Variants in MCHR2 observed in about 807,000 individuals in gnomAD.
MCHR2 encodes melanin concentrating hormone receptor 2, also known as melanin-concentrating hormone receptor 2.
In MCHR2, 15 loss-of-function variants were observed where a neutral mutation model predicts 24.8. That is an observed-to-expected ratio of 0.60 (90% CI 0.40 to 0.93). The LOEUF (loss-of-function observed/expected upper bound fraction) is 0.93. Among genes scored for constraint, MCHR2 ranks in the 40% least tolerant of loss-of-function variants. MCHR2 has a pLI of 0.00. For missense variants in MCHR2, 386 were observed against 408.7 expected, an observed-to-expected ratio of 0.94 and a Z score of 0.48; for synonymous variants, 151 against 147.6, an observed-to-expected ratio of 1.02 and a Z score of -0.17.
At chr6:99,985,746 A>G (rs997839044) in intron 1 of MCHR2, among the ~76,000 whole-genome samples, 1 of 152,136 alleles carries the variant, frequency 6.6e-6, no homozygotes, top group African/African-American at 2.4e-5. Context: ...AGGCAAAACT[A>G]TTCTGGACAT....
chr6:99,923,797 A>G (rs1472252329), intron 5 of MCHR2, among the ~76,000 whole-genome samples: 1 of 152,020 alleles, frequency 6.6e-6, no homozygotes, highest in Non-Finnish European at 1.5e-5. Context: ...TGAGATTTCT[A>G]ATATATTATT....
In MCHR2 at chr6:99,921,056, G is replaced by A; in HGVS notation, c.907C>T (p.Pro303Ser). 1.2e-6 allele frequency: 2 copies of A among 1,614,160 alleles called. No individual in the cohort carries two copies. The highest frequency in any genetic ancestry group is 1.7e-6 in the Non-Finnish European group (2 of 1,180,022). Residue 303 changes from proline to serine, a missense_variant, in exon 6 of 6, where the codon CCT (proline) becomes TCT (serine). By Grantham distance (74) the Pro-to-Ser change is moderately conservative (BLOSUM62 -1). Transcript: ENST00000281806. ...CLSYASSSINPFLYILLSGNF... is the reference protein window; with the variant it reads ...CLSYASSSINSFLYILLSGNF... ...CCACTCAGCAGGATGTAGAGAAAAG[G>A]GTTAATGCTGCTGCTGGCATAGCTG...
chr6:99,934,833 A>G (rs1385037374), intron 4 of MCHR2, among the ~76,000 whole-genome samples: 1 of 152,060 alleles, frequency 6.6e-6, no homozygotes, highest in African/African-American at 2.4e-5. Flanking sequence ...CATTTATTAT[A>G]TAGTAGGCAC....
At chr6:99,944,953 C>A (rs1774847545) in intron 3 of MCHR2, among the ~76,000 whole-genome samples, 1 of 152,142 alleles carries the variant, frequency 6.6e-6, no homozygotes, top group Non-Finnish European at 1.5e-5. Context: ...ACCTGCCTGG[C>A]AGGATCTGCC....
chr6:99,943,715 C>T (rs6913266), intron 3 of MCHR2, among the ~76,000 whole-genome samples: 1 of 152,044 alleles, frequency 6.6e-6, no homozygotes, highest in African/African-American at 2.4e-5. Context: ...CAATTCTTGA[C>T]CCTGCAAGTC....
intron 1 of MCHR2, among the ~76,000 whole-genome samples, chr6:99,971,431 A>AG (rs1775417197): frequency 3.3e-5 from 5 of 152,080 alleles, no homozygotes; most frequent in African/African-American, 4.8e-5. Flanking sequence ...ATTTTGCTGA[A>AG]ATTGCTTATC....
chr6:99,930,886 G>A (rs1330852998), intron 5 of MCHR2, among the ~76,000 whole-genome samples: 11 of 152,212 alleles, frequency 7.2e-5, no homozygotes, highest in Non-Finnish European at 8.8e-5. Flanking sequence ...CTGGTGAGGA[G>A]CTGTGTTCCT....
At chr6:99,960,512 C>T (rs995570862) in intron 1 of MCHR2, among the ~76,000 whole-genome samples, 1 of 152,102 alleles carries the variant, frequency 6.6e-6, no homozygotes, top group South Asian at 2.1e-4. Context: ...AAAAAAGAGC[C>T]CCCATAGCCA....
At position 99,955,992 on chromosome 6, in the gene MCHR2, G is replaced by A; in HGVS notation, c.156C>T (p.Asn52=). The part of the protein sequence containing the change: ...GIICSTGLVG[N]ILIVFTIIRS... ...TTATTATAGTGAATACAATGAGGATGTTGCCAACCAGCCCTGTTGAACAGA... is the reference window on the plus strand; with the variant it reads ...TTATTATAGTGAATACAATGAGGATATTGCCAACCAGCCCTGTTGAACAGA... Residue 52 remains asparagine (N), a synonymous_variant, in exon 2 of 6, where the codon AAC becomes AAT. Transcript: ENST00000281806. The A allele has an allele frequency of 6.2e-7, 1 of 1,608,082 alleles. No individual in the cohort carries two copies. Among genetic ancestry groups the A allele is most frequent in the Non-Finnish European group, 8.5e-7 (1 of 1,177,556 alleles).
Position 99,920,835 on chromosome 6 carries a change from G to A in MCHR2, c.*105C>T, listed in dbSNP as rs1774207683. 1 of 1,121,412 alleles carries A rather than the reference G, an allele frequency of 8.9e-7. No homozygotes were observed. The allele number at this position is 1,121,412 out of a possible 1,614,324, so 69.5% of individuals were successfully genotyped here. A position where few individuals can be genotyped will look rare whatever the true frequency, so the allele number is the denominator to read the frequency against. On this transcript the variant is annotated 3_prime_UTR_variant, in exon 6 of 6. Transcript: ENST00000281806. ...TCTTCCATGCTGCTAAGAGTCACAA[G>A]TACACAAGAAGAATGGGCATAAACA...
intron 1 of MCHR2, among the ~76,000 whole-genome samples, chr6:99,982,008 C>T (rs1469752593): frequency 1.3e-5 from 2 of 152,114 alleles, no homozygotes; most frequent in African/African-American, 2.4e-5. Context: ...TTATCCCTCC[C>T]GACAACTTCC....
At chr6:99,959,533 C>A (rs1184076938) in intron 1 of MCHR2, among the ~76,000 whole-genome samples, 1 of 150,892 alleles carries the variant, frequency 6.6e-6, no homozygotes, top group Non-Finnish European at 1.5e-5. Context: ...GAAATTGATA[C>A]TAAAGAAACA....
intron 1 of MCHR2, among the ~76,000 whole-genome samples, chr6:99,985,286 C>G (rs1775749737): frequency 6.6e-6 from 1 of 152,080 alleles, no homozygotes; most frequent in African/African-American, 2.4e-5. Context: ...AAATTCCTAT[C>G]AAATTACCAG....
At chr6:99,985,658 G>T (rs564132344) in intron 1 of MCHR2, among the ~76,000 whole-genome samples, 45 of 152,116 alleles carry the variant, frequency 3.0e-4, no homozygotes, top group African/African-American at 1.1e-3. Flanking sequence ...GCATCTCTCA[G>T]CATATACAAA....
Position 99,935,609 on chromosome 6 carries a change from T to C in MCHR2, c.588-1092A>G, listed in dbSNP as rs538343688. Among the ~76,000 whole-genome samples the C allele has an allele frequency of 3.3e-5, 5 of 152,164 alleles. No homozygotes were observed. In the South Asian group the frequency reaches 6.2e-4, roughly 19 times the overall value. ...ATATTATACTTTATCCATTCACCTATTGATAGGCATTTAGATTAATTACAT... is the reference window on the plus strand; with the variant it reads ...ATATTATACTTTATCCATTCACCTACTGATAGGCATTTAGATTAATTACAT... On this transcript the variant is annotated intron_variant, in intron 4 of 5. Coordinates refer to ENST00000281806, the MANE Select transcript of MCHR2 (RefSeq NM_001040179.2).
At chr6:99,925,823 ATTTTT>A (rs1324804131) in intron 5 of MCHR2, among the ~76,000 whole-genome samples, 1 of 149,858 alleles carries the variant, frequency 6.7e-6, no homozygotes, top group Admixed American at 6.6e-5. Flanking sequence ...TTTATTTTTT[ATTTTT>A]ATTTTTTATT....
In MCHR2 at chr6:99,931,267, A is replaced by T. The variant is rs186859048; in HGVS notation, c.707+3131T>A. On this transcript the variant is annotated intron_variant, in intron 5 of 5. Coordinates refer to ENST00000281806, the MANE Select transcript of MCHR2 (RefSeq NM_001040179.2). ...CCCTACTGGGGGGTGCCTCCCAGTT[A>T]GGCTGCTCGGGGGTCAGGGGTCAGG... 2.0e-3 allele frequency among the ~76,000 whole-genome samples: 310 copies of T among 152,290 alleles called. 2 individuals are homozygous for T. Among genetic ancestry groups the T allele is most frequent in the African/African-American group, 7.2e-3 (298 of 41,572 alleles).
chr6:99,957,388 G>A (rs139746652), intron 1 of MCHR2, among the ~76,000 whole-genome samples: 1 of 152,176 alleles, frequency 6.6e-6, no homozygotes, highest in African/African-American at 2.4e-5. Flanking sequence ...AGAGAGAGAT[G>A]TGATTTTAAA....
chr6:99,939,450 A>G (rs1470222936), intron 4 of MCHR2, among the ~76,000 whole-genome samples: 2 of 152,226 alleles, frequency 1.3e-5, no homozygotes, highest in African/African-American at 4.8e-5. Flanking sequence ...AAAAGTGGAA[A>G]AAAATCTACA....
Sources: gnomAD v4.1 joint callset for allele counts (sites outside exome capture counted in the v4.1 genomes callset) on GRCh38, gnomAD v4.1.1 for gene constraint, MANE v1.5 for transcripts, NCBI Gene and HGNC (gene_info 2026-07-23, HGNC 2026-07-21) for gene names.